MYO7B: variants seen among roughly 807,000 people sequenced by gnomAD.
MYO7B encodes the protein unconventional myosin-VIIb.
MYO7B carries 212 observed loss-of-function variants against 259.7 expected under a neutral mutation model. The observed-to-expected ratio is 0.82, with a 90% CI of 0.73 to 0.91. The LOEUF (loss-of-function observed/expected upper bound fraction) is 0.91. Among genes scored for constraint, MYO7B ranks in the 40% least tolerant of loss-of-function variants. The pLI is 0.00. For synonymous variants in MYO7B, 1,197 were observed against 1,166.4 expected, an observed-to-expected ratio of 1.03 and a Z score of -0.54; for missense variants, 2,732 against 2,813.5, an observed-to-expected ratio of 0.97 and a Z score of 0.66.
chr2:127,632,177 T>A, intron 38 of MYO7B, 69 bp from the exon 39 acceptor site: 1 of 1,526,702 alleles, frequency 6.6e-7, no homozygotes, highest in Non-Finnish European at 8.8e-7. Context: ...CCGTCCCTGC[T>A]CCCCAAGGTG....
In MYO7B at chr2:127,609,018, A is replaced by G; in HGVS notation, c.2814+140A>G. ...TGTGCTGCAGCCCTGCTGGTCCCAC[A>G]CGGAAGAGGGGAGCGTGCGTGGGTT... On this transcript the variant is annotated intron_variant, in intron 22 of 47. Transcript: ENST00000409816. This position sits in a 1 kb window ranked among gnomAD's most constrained non-coding sequence, Gnocchi z 6.9. The G allele has an allele frequency of 8.5e-7, 1 of 1,179,304 alleles. No homozygotes were observed. The highest frequency in any genetic ancestry group is 1.2e-6 in the Non-Finnish European group (1 of 850,054). The allele number at this position is 1,179,304 out of a possible 1,614,324, so 73.1% of individuals were successfully genotyped here.
intron 16 of MYO7B, among the ~76,000 whole-genome samples, chr2:127,592,554 A>T (rs568139771): frequency 6.6e-6 from 1 of 152,016 alleles, no homozygotes; most frequent in East Asian, 1.9e-4. Flanking sequence ...ATCGACTTTT[A>T]TCTCCTTGAC....
Position 127,582,345 on chromosome 2 carries a change from C to A in MYO7B, c.1242C>A (p.Ile414=). Reference sequence around the variant, plus strand: ...TCTTCCTGTGGATTGTCAAGAAGATCAATGCCGCCATCTTCACACCACCAG... The same window carrying A: ...TCTTCCTGTGGATTGTCAAGAAGATAAATGCCGCCATCTTCACACCACCAG... ...GHLFLWIVKK[I]NAAIFTPPAQ... is the part of the protein sequence containing the mutation. Residue 414 remains isoleucine, a synonymous_variant, in exon 12 of 48, where the codon ATC becomes ATA. Transcript: ENST00000409816. 1.9e-6 allele frequency: 3 copies of A among 1,613,280 alleles called. No homozygotes were observed. The highest frequency in any genetic ancestry group is 2.5e-6 in the Non-Finnish European group (3 of 1,179,648).
rs368553757 is a variant in MYO7B, at chr2:127,592,966, G to A, written c.2145+20G>A. 3.9e-4 allele frequency: 609 copies of A among 1,569,678 alleles called. 4 individuals are homozygous for A. The African/African-American group carries it at 7.2e-3, about 18-fold the overall frequency. On this transcript the variant is annotated intron_variant, in intron 17 of 47. Transcript: ENST00000409816. ...ATGCAGGTCAGCGCCCCTCGGGGACGGTCACCTCTGGCCATCCGCGGCCTT... is the reference window on the plus strand; with the variant it reads ...ATGCAGGTCAGCGCCCCTCGGGGACAGTCACCTCTGGCCATCCGCGGCCTT...
chr2:127,633,481 C>G lies in MYO7B; in HGVS notation c.5511+118C>G, dbSNP rs558471837. On this transcript the variant is annotated intron_variant, in intron 40 of 47. Transcript: ENST00000409816. The stretch of plus-strand genomic sequence containing the variant: ...CCAGAGAGCCTTTTCTAGGGCTGTC[C>G]CATCCTAACCAGTCTCCCGCCCTCT... The G allele has an allele frequency of 2.0e-5, 19 of 958,122 alleles. No individual in the cohort carries two copies. The South Asian group carries it at 2.2e-4, about 11-fold the overall frequency. The allele number at this position is 958,122 out of a possible 1,614,324, so 59.4% of individuals were successfully genotyped here.
rs1681815250 is a variant in MYO7B, at chr2:127,636,472, C to T, written c.6124-73C>T. ...GGTGTATGTGTGTATGTGCGTGTGG[C>T]CTAGATGAGCTCCTGGGAGGTGCAG... On this transcript the variant is annotated intron_variant, in intron 45 of 47. Transcript: ENST00000409816. The surrounding 1 kb of genome is among the most constrained non-coding windows in gnomAD (Gnocchi z 4.5). 3 of 1,487,444 alleles carry T rather than the reference C, an allele frequency of 2.0e-6. No homozygotes were observed. The highest frequency in any genetic ancestry group is 2.8e-6 in the Non-Finnish European group (3 of 1,082,268). The allele number at this position is 1,487,444 out of a possible 1,614,324, so 92.1% of individuals were successfully genotyped here.
At chr2:127,572,260 A>C (rs1333814594) in intron 6 of MYO7B, among the ~76,000 whole-genome samples, 1 of 152,144 alleles carries the variant, frequency 6.6e-6, no homozygotes, top group Non-Finnish European at 1.5e-5. Context: ...CTCTACTAAA[A>C]ATACAAAACT....
chr2:127,633,826 G>C (rs987767974), intron 40 of MYO7B, among the ~76,000 whole-genome samples: 1 of 152,152 alleles, frequency 6.6e-6, no homozygotes, highest in Non-Finnish European at 1.5e-5. Context: ...AGACAAGCGG[G>C]CTGAGAGGCC....
Position 127,559,792 on chromosome 2 carries a change from C to A in MYO7B, c.18+52C>A. 6.2e-7 allele frequency: 1 copy of A among 1,601,584 alleles called. No individual in the cohort carries two copies. On this transcript the variant is annotated intron_variant, in intron 2 of 47. Transcript: ENST00000409816. The surrounding 1 kb of genome is among the most constrained non-coding windows in gnomAD (Gnocchi z 4.1). ...GGTTATTGGTGTAAGTTACTCAAGGCCAAGTTGAATCGCTCCCAAGGAAAG... is the reference window on the plus strand; with the variant it reads ...GGTTATTGGTGTAAGTTACTCAAGGACAAGTTGAATCGCTCCCAAGGAAAG...
At chr2:127,564,533 G>A (rs1302565118) in intron 3 of MYO7B, among the ~76,000 whole-genome samples, 2 of 152,214 alleles carry the variant, frequency 1.3e-5, no homozygotes, top group Non-Finnish European at 2.9e-5. Flanking sequence ...AATGAAACGG[G>A]CAAGGGGGAA....
Position 127,590,315 on chromosome 2 carries a change from G to A in MYO7B, c.1992+86G>A. On this transcript the variant is annotated intron_variant, in intron 16 of 47. Transcript: ENST00000409816. This position sits in a 1 kb window ranked among gnomAD's most constrained non-coding sequence, Gnocchi z 4.6. ...GGGTTGTGGTCACTCCCTCTGCCAG[G>A]GCCTGGCTAGCGTTAGAGCTGTTAC... 3 of 1,580,250 alleles carry A rather than the reference G, an allele frequency of 1.9e-6. No homozygotes were observed. The highest frequency in any genetic ancestry group is 2.2e-5 in the East Asian group (1 of 44,544).
rs1020802940 is a variant in MYO7B, at chr2:127,559,238, A to G, written c.-23-462A>G. On this transcript the variant is annotated intron_variant, in intron 1 of 47. Coordinates refer to ENST00000409816, the MANE Select transcript of MYO7B (RefSeq NM_001393586.1). This position sits in a 1 kb window ranked among gnomAD's most constrained non-coding sequence, Gnocchi z 4.1. ...GGGTTTGATTCCCAGCTGTGCTACT[A>G]ATTAACTGAGTGGCATTTCCTGCAT... is the stretch of plus-strand genomic sequence containing the variant. Among the ~76,000 whole-genome samples, 46 of 152,178 alleles carry G rather than the reference A, an allele frequency of 3.0e-4. No homozygotes were observed. Among genetic ancestry groups the G allele is most frequent in the Non-Finnish European group, 2.2e-4 (15 of 68,022 alleles).
intron 19 of MYO7B, among the ~76,000 whole-genome samples, chr2:127,604,401 G>A (rs576426938): frequency 4.3e-4 from 65 of 152,312 alleles, no homozygotes; most frequent in Admixed American, 2.4e-3. Flanking sequence ...TTGGCTTAAG[G>A]AAATGTTGTG....
intron 4 of MYO7B, among the ~76,000 whole-genome samples, chr2:127,566,165 C>T (rs558003994): frequency 9.2e-5 from 14 of 152,348 alleles, no homozygotes; most frequent in Non-Finnish European, 2.1e-4. Context: ...GCAGGCTCTG[C>T]CTGCCGCACC....
intron 26 of MYO7B, among the ~76,000 whole-genome samples, chr2:127,617,603 C>G (rs930685497): frequency 2.1e-5 from 3 of 144,428 alleles, no homozygotes; most frequent in African/African-American, 7.9e-5. Flanking sequence ...CCCAGGTTCA[C>G]GCCATTCTCC....
chr2:127,636,114 C>A lies in MYO7B; in HGVS notation c.6007-94C>A, dbSNP rs1681788076. On this transcript the variant is annotated intron_variant, in intron 44 of 47. Coordinates refer to ENST00000409816, the MANE Select transcript of MYO7B (RefSeq NM_001393586.1). The surrounding 1 kb of genome is among the most constrained non-coding windows in gnomAD (Gnocchi z 4.5). The stretch of plus-strand genomic sequence containing the variant: ...CTGCATTCCTCCCCTCCCCTCCCCA[C>A]CGTACTAGCCCTGGGGTAGGCAGGT... 9 of 1,167,788 alleles carry A rather than the reference C, an allele frequency of 7.7e-6. No individual in the cohort carries two copies. Among genetic ancestry groups the A allele is most frequent in the South Asian group, 1.4e-5 (1 of 71,508 alleles). The allele number at this position is 1,167,788 out of a possible 1,614,324, so 72.3% of individuals were successfully genotyped here. A position where few individuals can be genotyped will look rare whatever the true frequency, so the allele number is the denominator to read the frequency against.
rs3034060 is a variant in MYO7B, at chr2:127,546,762, G to GTCCATCCATCCATCCA, written c.-24+10958_-24+10973dup. ...ATGCCTCACCTGCTTTCCTGGGTAG[G>GTCCATCCATCCATCCA]TCCATCCATCCATCCATCCATCCAT... On this transcript the variant is annotated intron_variant, in intron 1 of 47. Transcript: ENST00000409816. The surrounding 1 kb of genome is among the most constrained non-coding windows in gnomAD (Gnocchi z 4.2). Among the ~76,000 whole-genome samples, 2 of 149,318 alleles carry GTCCATCCATCCATCCA rather than the reference G, an allele frequency of 1.3e-5. No homozygotes were observed. Among genetic ancestry groups the GTCCATCCATCCATCCA allele is most frequent in the Non-Finnish European group, 3.0e-5 (2 of 67,450 alleles).
intron 44 of MYO7B, 54 bp downstream of exon 44, chr2:127,635,961 C>A: frequency 6.5e-7 from 1 of 1,528,408 alleles, no homozygotes; most frequent in Non-Finnish European, 8.8e-7. Flanking sequence ...CCCTGGGCCC[C>A]TGCACCAGTG....
intron 10 of MYO7B, 143 bp from the exon 11 acceptor site, chr2:127,581,748 G>A: frequency 9.0e-7 from 1 of 1,115,434 alleles, no homozygotes; most frequent in Non-Finnish European, 1.2e-6. Context: ...CCAGGGCCCT[G>A]GCCCTGGCCT....
Sources: allele counts gnomAD v4.1 joint callset (sites outside exome capture counted in the v4.1 genomes callset), GRCh38; gene constraint gnomAD v4.1.1; non-coding constraint Gnocchi (gnomAD v3.1); transcripts MANE v1.5; gene names NCBI Gene and HGNC (gene_info 2026-07-23, HGNC 2026-07-21).